OXCT1: variants seen among roughly 807,000 people sequenced by gnomAD.
OXCT1 encodes the protein 3-oxoacid CoA-transferase 1, also known as succinyl-CoA:3-ketoacid coenzyme A transferase 1, mitochondrial.
OXCT1 carries 27 observed loss-of-function variants against 69.6 expected under a neutral mutation model. The observed-to-expected ratio is 0.39, with a 90% CI of 0.29 to 0.54. OXCT1 has a LOEUF of 0.54. OXCT1 is among the 20% of genes least tolerant of loss of function. The probability of loss-of-function intolerance (pLI) is 0.72; values close to 1 mark genes in which losing one functional copy is unlikely to be tolerated. For synonymous variants in OXCT1, 202 were observed against 217.8 expected, an observed-to-expected ratio of 0.93 and a Z score of 0.64; for missense variants, 437 against 650.2, an observed-to-expected ratio of 0.67 and a Z score of 3.57.
intron 15 of OXCT1, among the ~76,000 whole-genome samples, chr5:41,747,207 C>A (rs1743537491): frequency 6.6e-6 from 1 of 152,036 alleles, no homozygotes; most frequent in Admixed American, 6.6e-5. Flanking sequence ...CTGCCTTTTC[C>A]ACCTCAGCCT....
At chr5:41,796,871 T>C (rs564292828) in intron 11 of OXCT1, among the ~76,000 whole-genome samples, 1 of 152,302 alleles carries the variant, frequency 6.6e-6, no homozygotes, top group South Asian at 2.1e-4. Context: ...TTGTTATTCC[T>C]CTCTCCAAAG....
intron 7 of OXCT1, among the ~76,000 whole-genome samples, chr5:41,816,153 T>G (rs1296234266): frequency 2.0e-5 from 3 of 152,192 alleles, no homozygotes; most frequent in African/African-American, 7.2e-5. Flanking sequence ...GAGCTTTACT[T>G]TATTCATTTC....
chr5:41,818,432 C>G (rs537777239), intron 7 of OXCT1, among the ~76,000 whole-genome samples: 2 of 152,172 alleles, frequency 1.3e-5, no homozygotes, highest in East Asian at 3.9e-4. Flanking sequence ...AATTTTTATT[C>G]TGTGGAATGA....
chr5:41,784,844 T>C (rs1212957740), intron 13 of OXCT1, among the ~76,000 whole-genome samples: 1 of 152,198 alleles, frequency 6.6e-6, no homozygotes, highest in African/African-American at 2.4e-5. Context: ...TAAACCTTAA[T>C]CACAGTTTTT....
At chr5:41,855,159 C>T (rs1258947294) in intron 3 of OXCT1, among the ~76,000 whole-genome samples, 1 of 152,172 alleles carries the variant, frequency 6.6e-6, no homozygotes, top group African/African-American at 2.4e-5. Context: ...TAAAGCCAGA[C>T]ACAAGATTAT....
chr5:41,853,354 T>C, intron 4 of OXCT1, 65 bp downstream of exon 4: 1 of 1,469,016 alleles, frequency 6.8e-7, no homozygotes, highest in Non-Finnish European at 9.5e-7. Flanking sequence ...CAAAGAAATT[T>C]CCACGGAGAA....
At chr5:41,793,704 T>C (rs1746041457) in intron 13 of OXCT1, among the ~76,000 whole-genome samples, 1 of 152,246 alleles carries the variant, frequency 6.6e-6, no homozygotes. Context: ...AATATTTGTA[T>C]TTCTTATTTT....
Position 41,762,117 on chromosome 5 carries a change from A to C in OXCT1, c.1332T>G (p.Ser444=). ...GGAGCACAGTACATGTTACCTTTGC[A>C]GAATGCTCCATGGTGACCACCACTT... ...KTKVVVTMEH[S]AKGNAHKIME... is the part of the protein sequence containing the mutation. The change falls in exon 14 of 17, where the codon TCT becomes TCG. Residue 444 remains serine, a synonymous_variant. Coordinates refer to ENST00000196371, the MANE Select transcript of OXCT1 (RefSeq NM_000436.4). This position sits in a 1 kb window ranked among gnomAD's most constrained non-coding sequence, Gnocchi z 4.0. 2 of 1,609,442 alleles carry C rather than the reference A, an allele frequency of 1.2e-6. No individual in the cohort carries two copies.
chr5:41,797,994 G>T (rs1746256728), intron 11 of OXCT1, among the ~76,000 whole-genome samples: 2 of 152,144 alleles, frequency 1.3e-5, no homozygotes, highest in African/African-American at 4.8e-5. Flanking sequence ...TGGGTTTAGG[G>T]GAAGGGCATT....
chr5:41,735,766 G>A (rs1025042663), intron 16 of OXCT1, among the ~76,000 whole-genome samples: 2 of 152,184 alleles, frequency 1.3e-5, no homozygotes, highest in African/African-American at 2.4e-5. Context: ...CTGACCTCCG[G>A]TGTGTCCCTT....
At chr5:41,860,331 A>G (rs1474128032) in intron 3 of OXCT1, among the ~76,000 whole-genome samples, 3 of 152,194 alleles carry the variant, frequency 2.0e-5, no homozygotes, top group Admixed American at 1.3e-4. Flanking sequence ...TATCAAAGAT[A>G]AGTAAAATTC....
chr5:41,861,065 T>C (rs1483961660), intron 3 of OXCT1, among the ~76,000 whole-genome samples: 1 of 152,166 alleles, frequency 6.6e-6, no homozygotes, highest in Non-Finnish European at 1.5e-5. Context: ...GCACATCACA[T>C]TAAGATATAA....
chr5:41,761,312 C>T (rs757895067), intron 14 of OXCT1, among the ~76,000 whole-genome samples: 8 of 152,036 alleles, frequency 5.3e-5, no homozygotes, highest in Middle Eastern at 3.2e-3. Flanking sequence ...AACAGAACTT[C>T]GGGCAAGTTA....
At chr5:41,810,292 A>G (rs1037626463) in intron 7 of OXCT1, among the ~76,000 whole-genome samples, 5 of 152,108 alleles carry the variant, frequency 3.3e-5, no homozygotes, top group Non-Finnish European at 5.9e-5. Context: ...TAGGACAAAC[A>G]TAAAAATAAA....
intron 7 of OXCT1, among the ~76,000 whole-genome samples, chr5:41,836,810 C>A (rs927579461): frequency 6.6e-6 from 1 of 152,142 alleles, no homozygotes; most frequent in Non-Finnish European, 1.5e-5. Flanking sequence ...TCCTAACAGA[C>A]CATGGGCCAG....
At chr5:41,851,043 T>C (rs2112443030) in intron 4 of OXCT1, among the ~76,000 whole-genome samples, 1 of 152,336 alleles carries the variant, frequency 6.6e-6, no homozygotes, top group East Asian at 1.9e-4. Flanking sequence ...GGCTCATGCC[T>C]GTAAATCCCA....
In OXCT1 at chr5:41,865,507, C is replaced by T. The variant is rs540685881; in HGVS notation, c.79-2757G>A. On this transcript the variant is annotated intron_variant, in intron 1 of 16. Transcript: ENST00000196371. ...TTGTTTTTTTCATTATTCATATATT[C>T]AGTTAACAATATTTGTTGACATTTG... Among the ~76,000 whole-genome samples the T allele has an allele frequency of 4.1e-4, 62 of 152,246 alleles. 1 individual carries two copies. The highest frequency in any genetic ancestry group is 3.3e-3 in the Admixed American group (51 of 15,302).
At position 41,730,585 on chromosome 5, in the gene OXCT1, C is replaced by T. The variant is rs17847291; in HGVS notation, c.*1144G>A. ...CTAGACTTTTTACCCATCTATTATCCGGGATGCTTCTGAAGTCATTCCCAT... is the reference window on the plus strand; with the variant it reads ...CTAGACTTTTTACCCATCTATTATCTGGGATGCTTCTGAAGTCATTCCCAT... On this transcript the variant is annotated 3_prime_UTR_variant, in exon 17 of 17. Coordinates refer to ENST00000196371, the MANE Select transcript of OXCT1 (RefSeq NM_000436.4). 8 of 152,170 alleles carry T rather than the reference C, an allele frequency of 5.3e-5. No individual in the cohort carries two copies. Among genetic ancestry groups the T allele is most frequent in the East Asian group, 1.9e-4 (1 of 5,192 alleles). The allele number at this position is 152,170 out of a possible 1,614,324, so 9.4% of individuals were successfully genotyped here.
intron 7 of OXCT1, among the ~76,000 whole-genome samples, chr5:41,811,145 A>C (rs1022484665): frequency 1.3e-5 from 2 of 151,604 alleles, no homozygotes; most frequent in African/African-American, 2.4e-5. Context: ...AAGCAATAAG[A>C]GAAGTTACAA....
Sources: allele counts gnomAD v4.1 joint callset (sites outside exome capture counted in the v4.1 genomes callset), GRCh38; gene constraint gnomAD v4.1.1; non-coding constraint Gnocchi (gnomAD v3.1); transcripts MANE v1.5; gene names NCBI Gene and HGNC (gene_info 2026-07-23, HGNC 2026-07-21).